Variants in CELF2 observed in about 807,000 individuals in gnomAD.
The protein encoded by CELF2 is CUGBP Elav-like family member 2, also known as CUG triplet repeat RNA-binding protein 2.
Under a neutral mutation model 62.6 loss-of-function variants are expected in CELF2, and 8 were observed. The ratio of observed to expected loss-of-function variants is 0.13; its 90% CI spans 0.07 to 0.23. CELF2 has a LOEUF of 0.23. Among genes scored for constraint, CELF2 ranks in the 10% least tolerant of loss-of-function variants. The pLI is 1.00. For synonymous variants in CELF2, 258 were observed against 250.0 expected (o/e 1.03, Z -0.30); for missense variants, 333 against 671.0 (o/e 0.50, Z 5.56).
chr10:11,021,073 T>C (rs10905882), intron 1 of CELF2, among the ~76,000 whole-genome samples: 139,924 of 152,174 alleles, frequency 0.92, 65,503 homozygotes, highest in East Asian at 1. Flanking sequence ...ATTAAGATGG[T>C]GGAGAGTGTT....
At chr10:10,919,344 C>T (rs1221586567) in intron 1 of CELF2, among the ~76,000 whole-genome samples, 6 of 151,950 alleles carry the variant, frequency 3.9e-5, no homozygotes, top group Non-Finnish European at 7.4e-5. Context: ...AAATTTGTCT[C>T]TGGTCATTTT....
intron 2 of CELF2, among the ~76,000 whole-genome samples, chr10:10,920,648 A>G (rs2064807658): frequency 6.6e-6 from 1 of 152,084 alleles, no homozygotes; most frequent in South Asian, 2.1e-4. Context: ...CTAAATAACT[A>G]GCCATCAAGG....
At chr10:10,609,429 G>T in the CELF2 span, among the ~76,000 whole-genome samples, 1 of 142,168 alleles carries the variant, frequency 7.0e-6, no homozygotes, top group Non-Finnish European at 1.5e-5. Flanking sequence ...TGTTTCTTTC[G>T]TCAAGATTTC....
At chr10:11,061,693 C>T (rs1208335988) in intron 1 of CELF2, among the ~76,000 whole-genome samples, 2 of 152,222 alleles carry the variant, frequency 1.3e-5, no homozygotes, top group African/African-American at 4.8e-5. Flanking sequence ...TCATTTACTA[C>T]TCCAAAAATC....
chr10:10,663,935 G>T, the CELF2 span, among the ~76,000 whole-genome samples: 1 of 152,178 alleles, frequency 6.6e-6, no homozygotes, highest in African/African-American at 2.4e-5. Flanking sequence ...CATTTTGAAA[G>T]AGAAATTGAC....
intron 1 of CELF2, among the ~76,000 whole-genome samples, chr10:10,876,534 T>C (rs753960259): frequency 1.3e-5 from 2 of 152,206 alleles, no homozygotes; most frequent in Non-Finnish European, 2.9e-5. Context: ...GCGTGTCTTC[T>C]AATGAGATGT....
intron 1 of CELF2, among the ~76,000 whole-genome samples, chr10:11,036,675 G>C (rs556721243): frequency 1.3e-5 from 2 of 152,272 alleles, no homozygotes; most frequent in African/African-American, 4.8e-5. Flanking sequence ...ATCTCCTATG[G>C]GAAGATGATA....
chr10:10,729,675 A>T, the CELF2 span, among the ~76,000 whole-genome samples: 1 of 152,040 alleles, frequency 6.6e-6, no homozygotes, highest in Admixed American at 6.6e-5. Flanking sequence ...GCTACCTGGG[A>T]GGCTGAGGCA....
intron 1 of CELF2, among the ~76,000 whole-genome samples, chr10:11,049,356 A>G (rs563943579): frequency 2.0e-5 from 3 of 152,000 alleles, no homozygotes; most frequent in African/African-American, 4.8e-5. Context: ...GGTGAATCCT[A>G]TAGTCGTTTT....
chr10:10,806,400 T>C (rs1227921097), intron 1 of CELF2, among the ~76,000 whole-genome samples: 1 of 152,082 alleles, frequency 6.6e-6, no homozygotes, highest in Non-Finnish European at 1.5e-5. Flanking sequence ...AGACAGGGCT[T>C]CACCACGTTG....
At chr10:10,965,931 T>C (rs1463279614) in intron 2 of CELF2, among the ~76,000 whole-genome samples, 2 of 152,238 alleles carry the variant, frequency 1.3e-5, no homozygotes, top group Non-Finnish European at 2.9e-5. Context: ...GGAACTCAAG[T>C]GTGTTTTGCC....
the CELF2 span, among the ~76,000 whole-genome samples, chr10:10,508,596 T>C: frequency 2.6e-5 from 4 of 152,090 alleles, no homozygotes; most frequent in African/African-American, 4.8e-5. Flanking sequence ...TTAGGCATAC[T>C]GGTTGTGTGT....
At chr10:11,064,291 C>T (rs1280665826) in intron 1 of CELF2, among the ~76,000 whole-genome samples, 1 of 152,194 alleles carries the variant, frequency 6.6e-6, no homozygotes, top group South Asian at 2.1e-4. Flanking sequence ...TCTTTAACTA[C>T]GTTCCACATT....
In CELF2 at chr10:10,997,918, G is replaced by A. The variant is rs138219151; in HGVS notation, c.89+77919G>A. ...CACCTTGAATTGTAATAATCCCCACGTGTCATGGGAGGGACCCGGTGGGAG... is the reference window on the plus strand; with the variant it reads ...CACCTTGAATTGTAATAATCCCCACATGTCATGGGAGGGACCCGGTGGGAG... On this transcript the variant is annotated intron_variant, in intron 2 of 13. Coordinates refer to the CELF2 transcript ENST00000636488. The surrounding 1 kb of genome is among the most constrained non-coding windows in gnomAD (Gnocchi z 5.3). Among the ~76,000 whole-genome samples, 602 of 152,206 alleles carry A rather than the reference G, an allele frequency of 4.0e-3. 5 individuals are homozygous for A. Among genetic ancestry groups the A allele is most frequent in the African/African-American group, 0.013 (553 of 41,534 alleles).
At chr10:11,150,096 T>G (rs2063043767) in intron 1 of CELF2, among the ~76,000 whole-genome samples, 1 of 152,238 alleles carries the variant, frequency 6.6e-6, no homozygotes, top group African/African-American at 2.4e-5. Context: ...TTTTTAGCTT[T>G]CAACATCAGT....
At chr10:10,553,248 C>T in the CELF2 span, among the ~76,000 whole-genome samples, 1 of 152,106 alleles carries the variant, frequency 6.6e-6, no homozygotes, top group Non-Finnish European at 1.5e-5. Flanking sequence ...TTAACTATCA[C>T]AAGAACAGCA....
At chr10:10,924,131 A>C (rs1374761973) in intron 2 of CELF2, 1 of 151,862 alleles carries the variant, frequency 6.6e-6, no homozygotes, top group Non-Finnish European at 1.5e-5. Flanking sequence ...AAATACAAAA[A>C]ATTAGCCGGG....
chr10:11,058,125 G>A (rs747489699), intron 1 of CELF2, among the ~76,000 whole-genome samples: 7 of 151,254 alleles, frequency 4.6e-5, no homozygotes, highest in Non-Finnish European at 7.4e-5. Flanking sequence ...GGATCCAGTG[G>A]AGGATCTGGC....
At chr10:11,325,173 G>A (rs1327623960) in intron 11 of CELF2, among the ~76,000 whole-genome samples, 2 of 152,146 alleles carry the variant, frequency 1.3e-5, no homozygotes, top group African/African-American at 4.8e-5. Context: ...CTCGGTCTTT[G>A]CCCAGCTTCT....
Sources: allele counts gnomAD v4.1 joint callset (sites outside exome capture counted in the v4.1 genomes callset), GRCh38; gene constraint gnomAD v4.1.1; non-coding constraint Gnocchi (gnomAD v3.1); transcripts MANE v1.5; gene names NCBI Gene and HGNC (gene_info 2026-07-23, HGNC 2026-07-21).